The following RPS6KC1 variants were observed in gnomAD, a reference collection of about 807,000 sequenced individuals.
RPS6KC1 encodes the protein ribosomal protein S6 kinase C1.
A neutral mutation model predicts 103.8 loss-of-function variants in RPS6KC1; 54 were observed. The ratio of observed to expected loss-of-function variants is 0.52; its 90% CI spans 0.42 to 0.65. The LOEUF (loss-of-function observed/expected upper bound fraction) is 0.65. RPS6KC1 is among the 30% of genes least tolerant of loss of function. The pLI is 0.00. For missense variants in RPS6KC1, 1,151 were observed against 1,253.8 expected, an observed-to-expected ratio of 0.92 and a Z score of 1.24; for synonymous variants, 439 against 438.7, an observed-to-expected ratio of 1.00 and a Z score of -0.01.
chr1:213,100,596 C>T lies in RPS6KC1; in HGVS notation c.263-3858C>T, dbSNP rs190352307. Among the ~76,000 whole-genome samples, 855 of 152,224 alleles carry T rather than the reference C, an allele frequency of 5.6e-3. 10 individuals are homozygous for T. The highest frequency in any genetic ancestry group is 0.017 in the African/African-American group (721 of 41,524). On this transcript the variant is annotated intron_variant, in intron 3 of 14. Transcript: ENST00000366960. ...AGTTATCTCCTTCTTTCCATCCCCG[C>T]TTTTGGAGTTCTCAATGTCTGTTGT...
At chr1:213,243,465 A>C (rs2094399839) in intron 12 of RPS6KC1, among the ~76,000 whole-genome samples, 1 of 152,152 alleles carries the variant, frequency 6.6e-6, no homozygotes. Context: ...TGATGTGCCA[A>C]CCTGGCATTT....
intron 4 of RPS6KC1, among the ~76,000 whole-genome samples, chr1:213,110,606 CT>C (rs1173232470): frequency 6.6e-6 from 1 of 152,206 alleles, no homozygotes; most frequent in East Asian, 1.9e-4. Flanking sequence ...CCATTATATG[CT>C]TTCCTTTTAA....
chr1:213,811,651 C>A, the RPS6KC1 span, among the ~76,000 whole-genome samples: 2 of 152,112 alleles, frequency 1.3e-5, no homozygotes, highest in African/African-American at 2.4e-5. Context: ...CCTCAATGGG[C>A]AGAAAAGGGG....
At chr1:213,138,732 C>T (rs1572773299) in intron 6 of RPS6KC1, among the ~76,000 whole-genome samples, 2 of 152,224 alleles carry the variant, frequency 1.3e-5, no homozygotes, top group East Asian at 1.9e-4. Context: ...TATATCTGTA[C>T]CATATTTTCT....
chr1:213,368,151 C>G, the RPS6KC1 span, among the ~76,000 whole-genome samples: 1 of 152,254 alleles, frequency 6.6e-6, no homozygotes, highest in Non-Finnish European at 1.5e-5. Flanking sequence ...ACCTTAGGAA[C>G]AGAATGCTGA....
At chr1:213,334,724 A>G in the RPS6KC1 span, among the ~76,000 whole-genome samples, 12 of 152,124 alleles carry the variant, frequency 7.9e-5, no homozygotes, top group Middle Eastern at 3.4e-3. Flanking sequence ...CTGTACAATA[A>G]ATTTGCTCCT....
intron 8 of RPS6KC1, among the ~76,000 whole-genome samples, chr1:213,202,278 C>T (rs1286065365): frequency 6.6e-6 from 1 of 151,730 alleles, no homozygotes. Context: ...ATCAGTGTGC[C>T]CTAATTAATG....
At chr1:213,575,948 G>A in the RPS6KC1 span, among the ~76,000 whole-genome samples, 1 of 152,198 alleles carries the variant, frequency 6.6e-6, no homozygotes, top group African/African-American at 2.4e-5. Flanking sequence ...GACACAAAAA[G>A]TGCAGGTTGC....
intron 6 of RPS6KC1, among the ~76,000 whole-genome samples, chr1:213,157,554 T>A (rs1260839965): frequency 3.3e-5 from 5 of 152,222 alleles, no homozygotes; most frequent in Admixed American, 3.3e-4. Context: ...GAATATAGTT[T>A]GCATGATTTA....
At chr1:213,675,775 G>A in the RPS6KC1 span, among the ~76,000 whole-genome samples, 4 of 152,202 alleles carry the variant, frequency 2.6e-5, no homozygotes, top group Non-Finnish European at 5.9e-5. Flanking sequence ...TACTTGGGAG[G>A]CTGAGGCAGG....
intron 4 of RPS6KC1, among the ~76,000 whole-genome samples, chr1:213,114,760 G>A (rs2148867076): frequency 6.6e-6 from 1 of 152,276 alleles, no homozygotes. Flanking sequence ...TTTTTAGCAC[G>A]AAGGGTTGTT....
chr1:213,062,419 A>T (rs2148365765), intron 1 of RPS6KC1, among the ~76,000 whole-genome samples: 1 of 152,338 alleles, frequency 6.6e-6, no homozygotes, highest in South Asian at 2.1e-4. Context: ...TTCTTGTCTC[A>T]TGCATTTTGG....
intron 1 of RPS6KC1, among the ~76,000 whole-genome samples, chr1:213,068,935 A>G (rs114427308): frequency 0.019 from 2,773 of 147,706 alleles, 97 homozygotes; most frequent in African/African-American, 0.064. Context: ...TGGTGTGCCT[A>G]TAGTTCCAGC....
chr1:213,614,591 A>G, the RPS6KC1 span, among the ~76,000 whole-genome samples: 2 of 152,276 alleles, frequency 1.3e-5, no homozygotes, highest in Non-Finnish European at 2.9e-5. Flanking sequence ...ATTATTCCCA[A>G]TTCCCAAACT....
intron 8 of RPS6KC1, among the ~76,000 whole-genome samples, chr1:213,199,063 T>C (rs1010504291): frequency 7.9e-5 from 12 of 152,118 alleles, no homozygotes; most frequent in South Asian, 2.1e-4. Context: ...TCTACAGATG[T>C]ACAAAGAAGA....
chr1:213,141,980 T>C (rs2087098957), intron 6 of RPS6KC1, among the ~76,000 whole-genome samples: 1 of 152,082 alleles, frequency 6.6e-6, no homozygotes, highest in Non-Finnish European at 1.5e-5. Flanking sequence ...TGTTGAAGTG[T>C]CTCAGTATTA....
At chr1:213,650,065 T>C in the RPS6KC1 span, among the ~76,000 whole-genome samples, 4 of 152,214 alleles carry the variant, frequency 2.6e-5, no homozygotes, top group Admixed American at 1.3e-4. Flanking sequence ...GGCCTTGTCA[T>C]ACGGCTGATT....
At chr1:213,688,108 C>T in the RPS6KC1 span, among the ~76,000 whole-genome samples, 1 of 152,132 alleles carries the variant, frequency 6.6e-6, no homozygotes, top group African/African-American at 2.4e-5. Context: ...GGAAAGATAG[C>T]TCTTGTTGTC....
the RPS6KC1 span, among the ~76,000 whole-genome samples, chr1:213,535,955 C>T: frequency 6.6e-5 from 10 of 152,126 alleles, no homozygotes; most frequent in South Asian, 2.1e-4. Context: ...GTTTACTAAG[C>T]GAGAACAAAG....
Sources: gnomAD v4.1 joint callset for allele counts (sites outside exome capture counted in the v4.1 genomes callset) on GRCh38, gnomAD v4.1.1 for gene constraint, MANE v1.5 for transcripts, NCBI Gene and HGNC (gene_info 2026-07-23, HGNC 2026-07-21) for gene names.